PCBP4: variants seen among roughly 807,000 people sequenced by gnomAD.
PCBP4 encodes the protein poly(rC) binding protein 4.
A neutral mutation model predicts 46.2 loss-of-function variants in PCBP4; 24 were observed. That is an observed-to-expected ratio of 0.52 (90% confidence interval 0.38 to 0.73). The LOEUF is 0.73. PCBP4 is among the 30% of genes least tolerant of loss of function. The pLI is 0.00. For missense variants in PCBP4, 407 were observed against 537.0 expected (o/e 0.76, Z 2.39); for synonymous variants, 203 against 224.4 (o/e 0.90, Z 0.85).
intron 2 of PCBP4, chr3:51,961,590 A>C: frequency 1.2e-5 from 4 of 345,672 alleles, no homozygotes; most frequent in Non-Finnish European, 1.5e-5. Flanking sequence ...AAGCACATAC[A>C]TGGTAGGTAC....
In PCBP4 at chr3:51,961,283, C is replaced by A; in HGVS notation, c.-43G>T. 1 of 1,595,336 alleles carries A rather than the reference C, an allele frequency of 6.3e-7. No homozygotes were observed. Among genetic ancestry groups the A allele is most frequent in the Non-Finnish European group, 8.5e-7 (1 of 1,173,764 alleles). The stretch of plus-strand genomic sequence containing the variant: ...GGGCCACAGCGACCTGCGAGTGTGT[C>A]CGCGCTGCAACCTGGCCGGCTCTGG... On this transcript the variant is annotated 5_prime_UTR_variant, in exon 3 of 14. Coordinates refer to ENST00000461554, the MANE Select transcript of PCBP4 (RefSeq NM_001174100.2).
Position 51,958,831 on chromosome 3 carries a change from A to G in PCBP4, c.882T>C (p.Ser294=). The change falls in exon 13 of 14, where the codon TCT becomes TCC. Residue 294 remains serine, a synonymous_variant. Coordinates refer to ENST00000461554, the MANE Select transcript of PCBP4 (RefSeq NM_001174100.2). This position sits in a 1 kb window ranked among gnomAD's most constrained non-coding sequence, Gnocchi z 5.4. ...AGERHVTITG[S]PVSIALAQYL... is the part of the protein sequence containing the mutation. ...ACTGGGCCAGGGCGATGGAGACCGGAGAGCCAGTGATGGTGACATGCCGCT... is the reference window on the plus strand; with the variant it reads ...ACTGGGCCAGGGCGATGGAGACCGGGGAGCCAGTGATGGTGACATGCCGCT... 3 of 1,613,872 alleles carry G rather than the reference A, an allele frequency of 1.9e-6. No individual in the cohort carries two copies. Among genetic ancestry groups the G allele is most frequent in the Non-Finnish European group, 2.5e-6 (3 of 1,179,914 alleles).
intron 1 of PCBP4, among the ~76,000 whole-genome samples, chr3:51,965,628 T>C (rs1254932056): frequency 2.6e-5 from 4 of 152,290 alleles, no homozygotes; most frequent in East Asian, 1.9e-4. Flanking sequence ...TTAAGGTTCA[T>C]GGGGCCTGGG....
chr3:51,959,733 A>G lies in PCBP4; in HGVS notation c.517-82T>C. 1 of 1,468,762 alleles carries G rather than the reference A, an allele frequency of 6.8e-7. No homozygotes were observed. Among genetic ancestry groups the G allele is most frequent in the Non-Finnish European group, 9.3e-7 (1 of 1,077,328 alleles). The allele number at this position is 1,468,762 out of a possible 1,614,324, so 91.0% of individuals were successfully genotyped here. A position where few individuals can be genotyped will look rare whatever the true frequency, so the allele number is the denominator to read the frequency against. On this transcript the variant is annotated intron_variant, in intron 8 of 13. Transcript: ENST00000461554. This position sits in a 1 kb window ranked among gnomAD's most constrained non-coding sequence, Gnocchi z 5.6. ...AGCTGCCCAGTGGCCTCAGGCCCCC[A>G]CCATGACCCCCAGGGAAATGCACAT...
chr3:51,960,480 C>T lies in PCBP4; in HGVS notation c.255+46G>A. 1 of 1,577,262 alleles carries T rather than the reference C, an allele frequency of 6.3e-7. No individual in the cohort carries two copies. The highest frequency in any genetic ancestry group is 1.1e-5 in the South Asian group (1 of 90,360). ...ACTATCTGGAGTCAGAGTTGGGTTC[C>T]TCCTGGGGAACCACTCTTGGCGTCC... is the stretch of plus-strand genomic sequence containing the variant. On this transcript the variant is annotated intron_variant, in intron 6 of 13. Transcript: ENST00000461554. This position sits in a 1 kb window ranked among gnomAD's most constrained non-coding sequence, Gnocchi z 5.0.
intron 1 of PCBP4, among the ~76,000 whole-genome samples, chr3:51,964,254 C>A (rs575372619): frequency 2.6e-5 from 4 of 152,206 alleles, no homozygotes; most frequent in South Asian, 2.1e-4. Context: ...GCCCCTCCCC[C>A]CCAGCTGTCT....
chr3:51,958,657 G>T lies in PCBP4; in HGVS notation c.923+133C>A. On this transcript the variant is annotated intron_variant, in intron 13 of 13. Transcript: ENST00000461554. This position sits in a 1 kb window ranked among gnomAD's most constrained non-coding sequence, Gnocchi z 5.4. ...AATTAGGCAAAGACCATGGGGAATT[G>T]GAGTAGGGTTAGGAGAGGCAGAGGT... 2 of 972,672 alleles carry T rather than the reference G, an allele frequency of 2.1e-6. No homozygotes were observed. Among genetic ancestry groups the T allele is most frequent in the Non-Finnish European group, 3.0e-6 (2 of 669,938 alleles). The allele number at this position is 972,672 out of a possible 1,614,324, so 60.3% of individuals were successfully genotyped here.
chr3:51,960,391 C>T lies in PCBP4; in HGVS notation c.256-71G>A. On this transcript the variant is annotated intron_variant, in intron 6 of 13. Transcript: ENST00000461554. This position sits in a 1 kb window ranked among gnomAD's most constrained non-coding sequence, Gnocchi z 5.0. ...TCTGCCCAGGGGTCAGGAGGGTACC[C>T]TTTCCCCAGTCCCACTTCAAGGGAA... 6.9e-6 allele frequency: 11 copies of T among 1,584,126 alleles called. No individual in the cohort carries two copies. Among genetic ancestry groups the T allele is most frequent in the Non-Finnish European group, 9.5e-6 (11 of 1,162,254 alleles).
rs376805810 is a variant in PCBP4, at chr3:51,961,210, C to T, written c.31G>A (p.Glu11Lys). ...GTGAGGGTGATGCTGAGCTCTGGCT[C>T]CTCCTCCAGTCCCCCGTCCGAGCCG... MSGSDGGLEE[E>K]PELSITLTLR... Residue 11 changes from glutamate to lysine, a missense_variant, in exon 3 of 14, where the codon GAG (glutamate) becomes AAG (lysine). Transcript: ENST00000461554. 3.7e-6 allele frequency: 6 copies of T among 1,613,146 alleles called. No individual in the cohort carries two copies. The highest frequency in any genetic ancestry group is 4.2e-6 in the Non-Finnish European group (5 of 1,180,012).
In PCBP4 at chr3:51,961,303, C is replaced by G; in HGVS notation, c.-63G>C. On this transcript the variant is annotated splice_region_variant and 5_prime_UTR_variant, in exon 3 of 14. Coordinates refer to ENST00000461554, the MANE Select transcript of PCBP4 (RefSeq NM_001174100.2). The stretch of plus-strand genomic sequence containing the variant: ...TGTGTCCGCGCTGCAACCTGGCCGG[C>G]TCTGGCAGGGGCAGCCAAAGAGGGG... 1 of 1,564,976 alleles carries G rather than the reference C, an allele frequency of 6.4e-7. No homozygotes were observed. Among genetic ancestry groups the G allele is most frequent in the Non-Finnish European group, 8.6e-7 (1 of 1,157,972 alleles).
At position 51,958,781 on chromosome 3, in the gene PCBP4, CG is replaced by C; in HGVS notation, c.923+8del. On this transcript the variant is annotated splice_region_variant and intron_variant, in intron 13 of 13. Coordinates refer to ENST00000461554, the MANE Select transcript of PCBP4 (RefSeq NM_001174100.2). This position sits in a 1 kb window ranked among gnomAD's most constrained non-coding sequence, Gnocchi z 5.4. ...CCTGCTCCCCCACTGCCGCCCAGCCCGCGCTCACCAGGCAGTGATGAGGTAC... is the reference window on the plus strand; with the variant it reads ...CCTGCTCCCCCACTGCCGCCCAGCCCCGCTCACCAGGCAGTGATGAGGTAC... The C allele has an allele frequency of 6.2e-7, 1 of 1,607,732 alleles. No homozygotes were observed. The highest frequency in any genetic ancestry group is 8.5e-7 in the Non-Finnish European group (1 of 1,176,080).
At position 51,959,542 on chromosome 3, in the gene PCBP4, G is replaced by A; in HGVS notation, c.591+35C>T. 6.5e-7 allele frequency: 1 copy of A among 1,540,522 alleles called. No homozygotes were observed. The highest frequency in any genetic ancestry group is 8.8e-7 in the Non-Finnish European group (1 of 1,136,834). ...CCTCTATCTCAATCCCCCTTCTCCA[G>A]TAATGTGTCCCACTGCTCCTGTTGT... On this transcript the variant is annotated intron_variant, in intron 9 of 13. Coordinates refer to ENST00000461554, the MANE Select transcript of PCBP4 (RefSeq NM_001174100.2). The surrounding 1 kb of genome is among the most constrained non-coding windows in gnomAD (Gnocchi z 5.6).
At position 51,958,184 on chromosome 3, in the gene PCBP4, C is replaced by T. The variant is rs767009292; in HGVS notation, c.1089G>A (p.Met363Ile). The T allele has an allele frequency of 6.2e-7, 1 of 1,613,364 alleles. No individual in the cohort carries two copies. Among genetic ancestry groups the T allele is most frequent in the Non-Finnish European group, 8.5e-7 (1 of 1,179,668 alleles). The change falls in exon 14 of 14, where the codon ATG becomes ATA. Residue 363 changes from methionine to isoleucine, a missense_variant. Physicochemically the swap from Met to Ile is conservative, Grantham distance 10. Coordinates refer to ENST00000461554, the MANE Select transcript of PCBP4 (RefSeq NM_001174100.2). The surrounding 1 kb of genome is among the most constrained non-coding windows in gnomAD (Gnocchi z 5.4). ...AAGCAGGTGGTAAAGCCAAGAAGGGCATGGGCTTGAGGCCGATGAAGTTGG... is the reference window on the plus strand; with the variant it reads ...AAGCAGGTGGTAAAGCCAAGAAGGGTATGGGCTTGAGGCCGATGAAGTTGG... ...SLSNFIGLKPMPFLALPPASP... is the reference protein window; with the variant it reads ...SLSNFIGLKPIPFLALPPASP...
At chr3:51,965,703 C>A (rs2106775164) in intron 1 of PCBP4, among the ~76,000 whole-genome samples, 1 of 152,230 alleles carries the variant, frequency 6.6e-6, no homozygotes, top group East Asian at 1.9e-4. Context: ...GTGAGAAGAC[C>A]CAGACATGAG....
intron 1 of PCBP4, among the ~76,000 whole-genome samples, chr3:51,966,292 C>T (rs1457615052): frequency 1.3e-5 from 2 of 152,100 alleles, no homozygotes; most frequent in Admixed American, 6.5e-5. Context: ...GCAAGAAGAA[C>T]AATCCCCTTG....
At position 51,959,482 on chromosome 3, in the gene PCBP4, C is replaced by T. The variant is rs374864773; in HGVS notation, c.592-71G>A. The T allele has an allele frequency of 2.2e-5, 34 of 1,530,130 alleles. No individual in the cohort carries two copies. Among genetic ancestry groups the T allele is most frequent in the African/African-American group, 1.6e-4 (12 of 73,058 alleles). 94.8% of individuals were successfully genotyped at this position (1,530,130 alleles called of 1,614,324 possible). A position where few individuals can be genotyped will look rare whatever the true frequency, so the allele number is the denominator to read the frequency against. ...GTTCAGCCAGAGTCACTCCTTCCCC[C>T]GTCCCTGGACCTCCAATTCCTTCTT... On this transcript the variant is annotated intron_variant, in intron 9 of 13. Coordinates refer to ENST00000461554, the MANE Select transcript of PCBP4 (RefSeq NM_001174100.2). The surrounding 1 kb of genome is among the most constrained non-coding windows in gnomAD (Gnocchi z 5.6).
chr3:51,961,300 C>T lies in PCBP4; in HGVS notation c.-60G>A, dbSNP rs749932268. On this transcript the variant is annotated 5_prime_UTR_variant, in exon 3 of 14. Transcript: ENST00000461554. ...GAGTGTGTCCGCGCTGCAACCTGGCCGGCTCTGGCAGGGGCAGCCAAAGAG... is the reference window on the plus strand; with the variant it reads ...GAGTGTGTCCGCGCTGCAACCTGGCTGGCTCTGGCAGGGGCAGCCAAAGAG... 649 of 1,569,982 alleles carry T rather than the reference C, an allele frequency of 4.1e-4. 3 individuals carry two copies. The Middle Eastern group carries it at 9.2e-3, about 22-fold the overall frequency.
upstream of PCBP4, chr3:51,967,462 GCGGAGCCCGGCCGGCC>G (rs1700494508): frequency 1.4e-5 from 2 of 148,104 alleles, no homozygotes; most frequent in African/African-American, 2.5e-5. Context: ...TTTGACAGGC[GCGGAGCCCGGCCGGCC>G]CGGAGCCCGG....
At position 51,960,630 on chromosome 3, in the gene PCBP4, T is replaced by C; in HGVS notation, c.151A>G (p.Ile51Val). 1.2e-6 allele frequency: 2 copies of C among 1,613,410 alleles called. No individual in the cohort carries two copies. The highest frequency in any genetic ancestry group is 8.5e-7 in the Non-Finnish European group (1 of 1,179,358). The change falls in exon 6 of 14, where the codon ATC (isoleucine) becomes GTC (valine). Residue 51 changes from isoleucine to valine, a missense_variant. By Grantham distance (29) the Ile-to-Val change is conservative (BLOSUM62 3). Coordinates refer to ENST00000461554, the MANE Select transcript of PCBP4 (RefSeq NM_001174100.2). This position sits in a 1 kb window ranked among gnomAD's most constrained non-coding sequence, Gnocchi z 5.0. Reference protein sequence around the residue: ...KRIREQSSARITISEGSCPER... With the variant: ...KRIREQSSARVTISEGSCPER... ...GGGCAGGAGCCCTCGGAGATGGTGA[T>C]CCGGGCACTGCTCTGCAGATATAGA...
Sources: allele counts gnomAD v4.1 joint callset (sites outside exome capture counted in the v4.1 genomes callset), GRCh38; gene constraint gnomAD v4.1.1; non-coding constraint Gnocchi (gnomAD v3.1); transcripts MANE v1.5; gene names NCBI Gene and HGNC (gene_info 2026-07-23, HGNC 2026-07-21).